HABP2: variants seen among roughly 807,000 people sequenced by gnomAD.
HABP2 encodes the protein factor VII-activating protease.
Under a neutral mutation model 66.5 loss-of-function variants are expected in HABP2, and 65 were observed. The observed-to-expected ratio is 0.98, with a 90% CI of 0.80 to 1.20. HABP2 has a LOEUF of 1.20. HABP2 is among the 50% of genes most tolerant of loss of function. The pLI is 0.00. For synonymous variants in HABP2, 263 were observed against 253.9 expected (o/e 1.04, Z -0.34); for missense variants, 786 against 691.0 (o/e 1.14, Z -1.54).
At chr10:113,555,686 A>C (rs1844979323) in intron 1 of HABP2, among the ~76,000 whole-genome samples, 1 of 151,858 alleles carries the variant, frequency 6.6e-6, no homozygotes, top group African/African-American at 2.4e-5. Flanking sequence ...TTGCTGTTCT[A>C]CTCGAGGTTT....
Position 113,575,975 on chromosome 10 carries a change from C to T in HABP2, c.302C>T (p.Ala101Val). The T allele has an allele frequency of 6.2e-7, 1 of 1,605,122 alleles. No individual in the cohort carries two copies. The highest frequency in any genetic ancestry group is 8.5e-7 in the Non-Finnish European group (1 of 1,171,778). Residue 101 changes from alanine to valine, a missense_variant, in exon 4 of 13, where the codon GCT becomes GTT. By Grantham distance (64) the Ala-to-Val change is moderately conservative. Transcript: ENST00000351270. ...AGCACCTTCACATGCAGCTGCCTGG[C>T]TCCTTTCTCTGGGAATAAGTGTCAG... ...HGSTFTCSCLAPFSGNKCQKV... is the reference protein window; with the variant it reads ...HGSTFTCSCLVPFSGNKCQKV...
chr10:113,579,876 A>G (rs1845487667), intron 7 of HABP2, among the ~76,000 whole-genome samples: 1 of 151,764 alleles, frequency 6.6e-6, no homozygotes, highest in Non-Finnish European at 1.5e-5. Context: ...TCTGCCTCTC[A>G]GGTTCAAGCA....
chr10:113,560,280 G>A (rs1381976917), intron 1 of HABP2, among the ~76,000 whole-genome samples: 1 of 152,204 alleles, frequency 6.6e-6, no homozygotes, highest in Non-Finnish European at 1.5e-5. Context: ...CTGTGCCTAC[G>A]AAGGGATGGA....
rs1209483548 is a variant in HABP2 at position 113,584,156 on chromosome 10, A to C, written c.1246A>C (p.Lys416Gln). The C allele has an allele frequency of 6.2e-7, 1 of 1,613,880 alleles. No homozygotes were observed. The change falls in exon 11 of 13, where the codon AAG (lysine) becomes CAG (glutamine). Residue 416 changes from lysine (K) to glutamine (Q), a missense_variant. Lys to Gln is a moderately conservative substitution (Grantham distance 53). Coordinates refer to ENST00000351270, the MANE Select transcript of HABP2 (RefSeq NM_004132.5). ...EIPHNDIALLKLKPVDGHCAL... is the reference protein window; with the variant it reads ...EIPHNDIALLQLKPVDGHCAL... ...CCTCTCTCTCCACCTAGCATTGCTC[A>C]AGTTAAAGCCAGTGGATGGTCACTG...
chr10:113,575,608 G>A (rs1845393417), intron 3 of HABP2, among the ~76,000 whole-genome samples: 1 of 152,116 alleles, frequency 6.6e-6, no homozygotes, highest in South Asian at 2.1e-4. Context: ...TGAGGGAAAA[G>A]GGGAGTTTCT....
At chr10:113,563,025 A>C (rs1480026669) in intron 1 of HABP2, among the ~76,000 whole-genome samples, 1 of 152,174 alleles carries the variant, frequency 6.6e-6, no homozygotes. Flanking sequence ...GTCACCTCTA[A>C]ATTGGATATA....
chr10:113,580,765 C>A, intron 8 of HABP2, 73 bp downstream of exon 8: 1 of 790,852 alleles, frequency 1.3e-6, no homozygotes, highest in Non-Finnish European at 2.2e-6. Context: ...TCCCTGGCAC[C>A]TGGTCCCTCC....
chr10:113,582,231 G>A, intron 9 of HABP2, 100 bp downstream of exon 9: 1 of 1,232,358 alleles, frequency 8.1e-7, no homozygotes, highest in Non-Finnish European at 1.1e-6. Flanking sequence ...TCAGGATTAG[G>A]GGGTCTGATC....
intron 2 of HABP2, among the ~76,000 whole-genome samples, chr10:113,568,839 C>T (rs754326851): frequency 2.6e-5 from 4 of 152,084 alleles, no homozygotes; most frequent in South Asian, 2.1e-4. Context: ...AAAAGAAGTG[C>T]GGAAGACTCA....
At chr10:113,571,547 C>G (rs1845312175) in intron 2 of HABP2, among the ~76,000 whole-genome samples, 1 of 152,034 alleles carries the variant, frequency 6.6e-6, no homozygotes, top group African/African-American at 2.4e-5. Flanking sequence ...GGCAGGGAAA[C>G]TGACTCCATC....
At chr10:113,570,419 A>G (rs1034306291) in intron 2 of HABP2, among the ~76,000 whole-genome samples, 4 of 152,384 alleles carry the variant, frequency 2.6e-5, no homozygotes, top group Non-Finnish European at 5.9e-5. Flanking sequence ...CAAACTCACA[A>G]GAATTTCTTT....
chr10:113,578,841 AT>A, intron 7 of HABP2, 43 bp downstream of exon 7: 1 of 1,322,238 alleles, frequency 7.6e-7, no homozygotes, highest in Non-Finnish European at 1.1e-6. Context: ...TTGGTCACTT[AT>A]TTTAAAACAG....
rs1278199073 is a variant in HABP2, at chr10:113,589,550, A to G, written c.*1181A>G. ...AGGCGCCTTGTTTGAGCTGCGTTTC[A>G]CACTTCTTTAGAGCTAGCTGACCTT... On this transcript the variant is annotated 3_prime_UTR_variant, in exon 13 of 13. Transcript: ENST00000351270. The G allele has an allele frequency of 1.3e-5, 17 of 1,285,492 alleles. No homozygotes were observed. Among genetic ancestry groups the G allele is most frequent in the Admixed American group, 2.2e-5 (1 of 45,420 alleles). 79.6% of individuals were successfully genotyped at this position (1,285,492 alleles called of 1,614,324 possible).
chr10:113,556,262 A>T (rs1844989388), intron 1 of HABP2, among the ~76,000 whole-genome samples: 1 of 152,170 alleles, frequency 6.6e-6, no homozygotes, highest in Admixed American at 6.5e-5. Flanking sequence ...TTTTAGTTTT[A>T]TTTTAATTGC....
upstream of HABP2, among the ~76,000 whole-genome samples, chr10:113,552,104 A>C (rs1186118842): frequency 2.0e-5 from 3 of 152,144 alleles, no homozygotes; most frequent in African/African-American, 4.8e-5. Context: ...TTTCAGAAGT[A>C]GATGCAGCCA....
rs535456555 is a variant in HABP2, at chr10:113,588,228, C to T, written c.1542C>T (p.Thr514=). 7.2e-5 allele frequency: 116 copies of T among 1,611,254 alleles called. No individual in the cohort carries two copies. In the South Asian group the frequency reaches 1.1e-3, roughly 16 times the overall value. ...AGGGTGACTCTGGAGGCCCCCTGAC[C>T]TGTGAGAAGGACGGCACCTACTACG... ...TCQGDSGGPL[T]CEKDGTYYVY... The change falls in exon 13 of 13, where the codon ACC becomes ACT. Residue 514 remains threonine (T), a synonymous_variant. Transcript: ENST00000351270.
chr10:113,556,439 G>T (rs974987498), intron 1 of HABP2, among the ~76,000 whole-genome samples: 1 of 152,174 alleles, frequency 6.6e-6, no homozygotes, highest in South Asian at 2.1e-4. Flanking sequence ...TTGAGGCCAG[G>T]CATGGTAGCT....
intron 1 of HABP2, 91 bp from the exon 2 acceptor site, chr10:113,567,397 AC>A: frequency 1.1e-6 from 1 of 928,386 alleles, no homozygotes; most frequent in Non-Finnish European, 1.8e-6. Context: ...GTGCACCTGC[AC>A]CCCATACGAT....
chr10:113,577,381 G>T (rs954073485), intron 5 of HABP2, 115 bp downstream of exon 5: 27 of 697,752 alleles, frequency 3.9e-5, no homozygotes, highest in Non-Finnish European at 6.6e-5. Flanking sequence ...ACCCAAGATG[G>T]TCCTTTTCCC....
Sources: gnomAD v4.1 joint callset for allele counts (sites outside exome capture counted in the v4.1 genomes callset) on GRCh38, gnomAD v4.1.1 for gene constraint, MANE v1.5 for transcripts, NCBI Gene and HGNC (gene_info 2026-07-23, HGNC 2026-07-21) for gene names.